CDH12: variants seen among roughly 807,000 people sequenced by gnomAD.
CDH12 encodes the protein cadherin 12.
In CDH12, 41 loss-of-function variants were observed where a neutral mutation model predicts 74.1. That is an observed-to-expected ratio of 0.55 (90% CI 0.43 to 0.72). The LOEUF (loss-of-function observed/expected upper bound fraction) is 0.72, where lower values mean the gene tolerates loss of function less well. Ranked by LOEUF, CDH12 falls within the 30% of genes least tolerant of loss-of-function variation. CDH12 has a pLI of 0.00. For missense variants in CDH12, 945 were observed against 977.2 expected (o/e 0.97, Z 0.44); for synonymous variants, 399 against 355.0 (o/e 1.12, Z -1.39).
chr5:22,402,945 AAGACAT>A (rs1189860555), intron 3 of CDH12, among the ~76,000 whole-genome samples: 21 of 152,230 alleles, frequency 1.4e-4, no homozygotes, highest in African/African-American at 4.8e-4. Context: ...TTGAAAGAAA[AAGACAT>A]GTGATGGAAA....
At chr5:21,813,062 C>T (rs1050564886) in intron 9 of CDH12, among the ~76,000 whole-genome samples, 1 of 152,144 alleles carries the variant, frequency 6.6e-6, no homozygotes, top group African/African-American at 2.4e-5. Context: ...TGTTGCTGTA[C>T]CATCACGTTC....
intron 8 of CDH12, among the ~76,000 whole-genome samples, chr5:21,832,483 A>T (rs943579080): frequency 6.6e-6 from 1 of 151,770 alleles, no homozygotes; most frequent in African/African-American, 2.4e-5. Flanking sequence ...TTCATTTCCA[A>T]TGTTAGCCTC....
chr5:21,980,326 A>AGTT (rs1757255619), intron 5 of CDH12, among the ~76,000 whole-genome samples: 2 of 152,110 alleles, frequency 1.3e-5, no homozygotes, highest in African/African-American at 4.8e-5. Flanking sequence ...AGAGATGAAC[A>AGTT]ACCCTGGACA....
intron 1 of CDH12, among the ~76,000 whole-genome samples, chr5:22,595,852 T>G (rs893278004): frequency 2.0e-5 from 3 of 151,314 alleles, no homozygotes; most frequent in Non-Finnish European, 4.4e-5. Flanking sequence ...CAGAGGCGGG[T>G]GGATCACAAG....
intron 1 of CDH12, among the ~76,000 whole-genome samples, chr5:22,744,076 G>A (rs1745169312): frequency 6.6e-6 from 1 of 151,940 alleles, no homozygotes; most frequent in Non-Finnish European, 1.5e-5. Context: ...CCTAACACAG[G>A]CATTATAGAA....
At chr5:21,897,251 C>T (rs1753168478) in intron 6 of CDH12, among the ~76,000 whole-genome samples, 1 of 152,156 alleles carries the variant, frequency 6.6e-6, no homozygotes, top group South Asian at 2.1e-4. Flanking sequence ...AGCATTCATC[C>T]AGTAACTGAA....
intron 1 of CDH12, among the ~76,000 whole-genome samples, chr5:22,827,637 C>T (rs1440128072): frequency 6.6e-6 from 1 of 152,104 alleles, no homozygotes; most frequent in Non-Finnish European, 1.5e-5. Flanking sequence ...CAACATCTTG[C>T]CTTTCTTAAC....
At chr5:22,709,588 A>G (rs1241442661) in intron 1 of CDH12, among the ~76,000 whole-genome samples, 3 of 152,224 alleles carry the variant, frequency 2.0e-5, no homozygotes, top group Non-Finnish European at 4.4e-5. Context: ...GGCTATTTAT[A>G]AAAATTAATC....
chr5:21,939,889 G>A (rs1347322143), intron 6 of CDH12, among the ~76,000 whole-genome samples: 1 of 151,978 alleles, frequency 6.6e-6, no homozygotes, highest in African/African-American at 2.4e-5. Flanking sequence ...TATTCAAAAA[G>A]TGGTTTTTTG....
chr5:22,654,433 G>A (rs1739917064), intron 1 of CDH12, among the ~76,000 whole-genome samples: 1 of 151,672 alleles, frequency 6.6e-6, no homozygotes. Context: ...GGGATTACAG[G>A]CACCTGCCTC....
intron 7 of CDH12, among the ~76,000 whole-genome samples, chr5:21,847,242 A>C (rs952306679): frequency 4.6e-5 from 7 of 152,206 alleles, no homozygotes; most frequent in South Asian, 4.1e-4. Flanking sequence ...TGTTCTTTCC[A>C]AGGGATGCTT....
At chr5:22,462,987 A>G (rs1046290973) in intron 2 of CDH12, among the ~76,000 whole-genome samples, 2 of 152,222 alleles carry the variant, frequency 1.3e-5, no homozygotes, top group Admixed American at 6.5e-5. Context: ...AAGAAACAAC[A>G]TTAAGGAGAA....
intron 4 of CDH12, among the ~76,000 whole-genome samples, chr5:22,147,786 A>G (rs1747301566): frequency 6.6e-6 from 1 of 152,086 alleles, no homozygotes; most frequent in South Asian, 2.1e-4. Flanking sequence ...AGTATGGGGA[A>G]AACTGTCCCC....
At position 21,988,875 on chromosome 5, in the gene CDH12, G is replaced by C. The variant is rs547513297; in HGVS notation, c.232-13490C>G. Among the ~76,000 whole-genome samples the C allele has an allele frequency of 2.2e-4, 33 of 152,144 alleles. No individual in the cohort carries two copies. In the East Asian group the frequency reaches 6.2e-3, roughly 29 times the overall value. On this transcript the variant is annotated intron_variant, in intron 5 of 14. Transcript: ENST00000382254. ...ATATTAGGGCTGTGCTTCATGCTTG[G>C]GTTAATATGGGGTGAATAGAAGGAA...
rs146384903 is a variant in CDH12, at chr5:22,741,214, C to A, written c.-523+111844G>T. Among the ~76,000 whole-genome samples the A allele has an allele frequency of 2.9e-3, 447 of 152,208 alleles. 2 individuals carry two copies. Among genetic ancestry groups the A allele is most frequent in the African/African-American group, 0.01 (420 of 41,560 alleles). On this transcript the variant is annotated intron_variant, in intron 1 of 14. Coordinates refer to ENST00000382254, the MANE Select transcript of CDH12 (RefSeq NM_004061.5). Reference sequence around the variant, plus strand: ...ACTTTCAATGAAGAGGAGCAGTTTTCATGAAACATACCCACAAAATCAGGT... The same window carrying A: ...ACTTTCAATGAAGAGGAGCAGTTTTAATGAAACATACCCACAAAATCAGGT...
At chr5:21,826,729 A>G (rs1748694415) in intron 8 of CDH12, among the ~76,000 whole-genome samples, 1 of 152,186 alleles carries the variant, frequency 6.6e-6, no homozygotes, top group African/African-American at 2.4e-5. Flanking sequence ...ATTATTCTTT[A>G]AGAGGAATAG....
intron 5 of CDH12, among the ~76,000 whole-genome samples, chr5:21,988,554 G>T (rs1422962485): frequency 1.4e-5 from 2 of 140,548 alleles, no homozygotes; most frequent in African/African-American, 5.3e-5. Context: ...AGGAAAAATT[G>T]CTTGAATTCC....
At chr5:22,109,279 C>G (rs1029868650) in intron 4 of CDH12, among the ~76,000 whole-genome samples, 3 of 152,108 alleles carry the variant, frequency 2.0e-5, no homozygotes, top group Admixed American at 6.6e-5. Context: ...GGTCTAGTTA[C>G]AGCTTTGGGA....
At chr5:22,444,304 C>T (rs1744736022) in intron 2 of CDH12, among the ~76,000 whole-genome samples, 1 of 151,950 alleles carries the variant, frequency 6.6e-6, no homozygotes, top group African/African-American at 2.4e-5. Flanking sequence ...TTTGTTACTT[C>T]CATGGAGTTA....
Sources: gnomAD v4.1 joint callset for allele counts (sites outside exome capture counted in the v4.1 genomes callset) on GRCh38, gnomAD v4.1.1 for gene constraint, MANE v1.5 for transcripts, NCBI Gene and HGNC (gene_info 2026-07-23, HGNC 2026-07-21) for gene names.